The following CUX1 variants were observed in gnomAD, a reference collection of about 807,000 sequenced individuals.
CUX1 encodes the protein protein CASP.
Under a neutral mutation model 158.8 loss-of-function variants are expected in CUX1, and 31 were observed. The ratio of observed to expected loss-of-function variants is 0.20; its 90% CI spans 0.15 to 0.26. CUX1 has a LOEUF of 0.26. CUX1 is among the 10% of genes least tolerant of loss of function. CUX1 has a pLI of 1.00. For missense variants in CUX1, 1,589 were observed against 2,014.6 expected (o/e 0.79, Z 4.04); for synonymous variants, 879 against 862.1 (o/e 1.02, Z -0.34).
At position 101,869,570 on chromosome 7, in the gene CUX1, G is replaced by A. The variant is rs1049731469; in HGVS notation, c.31-46545G>A. Among the ~76,000 whole-genome samples the A allele has an allele frequency of 6.6e-6, 1 of 152,114 alleles. No individual in the cohort carries two copies. The highest frequency in any genetic ancestry group is 2.4e-5 in the African/African-American group (1 of 41,416). On this transcript the variant is annotated intron_variant, in intron 1 of 23. Transcript: ENST00000292535. This position sits in a 1 kb window ranked among gnomAD's most constrained non-coding sequence, Gnocchi z 4.5. ...GCGCGGGAAGGGAGTGGCTGGTGGGGCGGGGGAGGGAAACCAGCACGTTAG... is the reference window on the plus strand; with the variant it reads ...GCGCGGGAAGGGAGTGGCTGGTGGGACGGGGGAGGGAAACCAGCACGTTAG...
Position 102,280,718 on chromosome 7 carries a change from G to A in CUX1, c.1765-86G>A, listed in dbSNP as rs1586540806. On this transcript the variant is annotated intron_variant, in intron 19 of 22. Transcript: ENST00000292538. ...GCAAGAACAGCGGGCAGGGTGTCCT[G>A]TGGCTGGCCAGGCCCTGCTCTCTGC... 7.8e-6 allele frequency: 11 copies of A among 1,404,676 alleles called. No individual in the cohort carries two copies. In the South Asian group the frequency reaches 1.2e-4, roughly 15 times the overall value. 87.0% of individuals were successfully genotyped at this position (1,404,676 alleles called of 1,614,324 possible).
chr7:101,992,036 A>T (rs1267533234), intron 2 of CUX1, among the ~76,000 whole-genome samples: 3 of 152,216 alleles, frequency 2.0e-5, no homozygotes, highest in Non-Finnish European at 4.4e-5. Context: ...AAAAATATGT[A>T]TCAGTAGGTT....
chr7:102,200,038 G>A lies in CUX1; in HGVS notation c.1961-33G>A, dbSNP rs782123963. Reference sequence around the variant, plus strand: ...GCGCTGATTTTTGTCCGGGGTTTGGGTTTGATGTCATTGGCGCAACTTCTC... The same window carrying A: ...GCGCTGATTTTTGTCCGGGGTTTGGATTTGATGTCATTGGCGCAACTTCTC... On this transcript the variant is annotated intron_variant, in intron 16 of 23. Transcript: ENST00000292535. 9 of 1,576,344 alleles carry A rather than the reference G, an allele frequency of 5.7e-6. No homozygotes were observed. The South Asian group carries it at 8.1e-5, about 14-fold the overall frequency.
At chr7:102,045,355 CT>C (rs1822614624) in intron 3 of CUX1, among the ~76,000 whole-genome samples, 1 of 152,236 alleles carries the variant, frequency 6.6e-6, no homozygotes, top group Non-Finnish European at 1.5e-5. Flanking sequence ...AGCCGTGCGC[CT>C]GTGGAAAGGG....
upstream of CUX1, chr7:101,816,034 GC>G: frequency 7.0e-7 from 1 of 1,431,370 alleles, no homozygotes. Flanking sequence ...TCTCAAGATG[GC>G]GGCCAATGTG....
chr7:102,041,708 AC>A (rs1822130144), intron 3 of CUX1, among the ~76,000 whole-genome samples: 1 of 122,470 alleles, frequency 8.2e-6, no homozygotes, highest in South Asian at 2.4e-4. Flanking sequence ...TTGTTCTGTC[AC>A]CCAGGCTGGA....
At chr7:102,175,461 C>T (rs954240692) in intron 10 of CUX1, among the ~76,000 whole-genome samples, 2 of 152,122 alleles carry the variant, frequency 1.3e-5, no homozygotes, top group Non-Finnish European at 2.9e-5. Flanking sequence ...TGCCATGTCC[C>T]CTCCTTGCTC....
At chr7:102,021,762 T>C (rs554016358) in intron 2 of CUX1, among the ~76,000 whole-genome samples, 17 of 152,182 alleles carry the variant, frequency 1.1e-4, no homozygotes, top group Admixed American at 3.3e-4. Context: ...GGTTTCTCCA[T>C]GTTGGTCAGA....
intron 2 of CUX1, among the ~76,000 whole-genome samples, chr7:101,940,386 G>T (rs897808439): frequency 6.6e-6 from 1 of 152,088 alleles, no homozygotes; most frequent in Non-Finnish European, 1.5e-5. Context: ...GACCCCCGCT[G>T]GGGGTGCCTG....
intron 2 of CUX1, chr7:101,961,246 T>C (rs427039): frequency 0.84 from 128,465 of 152,048 alleles, 54,687 homozygotes; most frequent in African/African-American, 0.91. Flanking sequence ...ATGGGAATAC[T>C]GCTTAACCTC....
At chr7:102,095,030 C>T (rs1028546511) in intron 4 of CUX1, among the ~76,000 whole-genome samples, 64 of 151,280 alleles carry the variant, frequency 4.2e-4, no homozygotes, top group African/African-American at 1.1e-3. Flanking sequence ...GACAGGATTT[C>T]GCTCTGTTGC....
chr7:101,875,283 G>T (rs78701816), intron 1 of CUX1, among the ~76,000 whole-genome samples: 1,655 of 152,260 alleles, frequency 0.011, 42 homozygotes, highest in African/African-American at 0.035. Flanking sequence ...CTTCAGTGGG[G>T]TGATGTTTTT....
chr7:102,242,205 C>CTTTTTTTTTT (rs67514665), intron 23 of CUX1, among the ~76,000 whole-genome samples: 3 of 93,070 alleles, frequency 3.2e-5, no homozygotes, highest in African/African-American at 3.9e-5. Flanking sequence ...TTCTTTCTTT[C>CTTTTTTTTTT]TTTTTTTTTT....
intron 3 of CUX1, among the ~76,000 whole-genome samples, chr7:102,043,538 G>A (rs555091529): frequency 2.6e-4 from 40 of 151,940 alleles, no homozygotes; most frequent in Non-Finnish European, 5.0e-4. Flanking sequence ...TGCAGATTTT[G>A]GTACACGCAG....
At position 102,205,124 on chromosome 7, in the gene CUX1, C is replaced by T. The variant is rs144081584; in HGVS notation, c.3084C>T (p.Ser1028=). The T allele has an allele frequency of 0.015, 24,678 of 1,609,608 alleles. 258 individuals are homozygous for T. The highest frequency in any genetic ancestry group is 0.017 in the Non-Finnish European group (20,234 of 1,176,632). Residue 1028 remains serine (S), a synonymous_variant, in exon 20 of 24, where the codon TCC becomes TCT. Coordinates refer to ENST00000292535, the MANE Select transcript of CUX1 (RefSeq NM_181552.4). ...CTTTTTCTACTTTAGTCCTCCACTC[C>T]GTGACATCGCTCCAGGACCCGCTGC... ...QGQQQGPVLH[S]VTSLQDPLQQ... is the part of the protein sequence containing the mutation.
Position 101,969,982 on chromosome 7 carries a change from C to CAAA in CUX1, c.141+53781_141+53783dup, listed in dbSNP as rs34167642. On this transcript the variant is annotated intron_variant, in intron 2 of 23. Coordinates refer to ENST00000292535, the MANE Select transcript of CUX1 (RefSeq NM_181552.4). ...CTTGTCTTCTTGCCGGAGTTAGCAC[C>CAAA]AAAAAAAAAAAAAAAAAAAAAAAAA... 1.1e-3 allele frequency among the ~76,000 whole-genome samples: 60 copies of CAAA among 55,642 alleles called. 3 individuals carry two copies. The highest frequency in any genetic ancestry group is 1.3e-3 in the Non-Finnish European group (41 of 32,156). 36.5% of individuals were successfully genotyped at this position (55,642 alleles called of 152,430 possible).
At chr7:102,244,827 C>T (rs1800631478) in intron 23 of CUX1, among the ~76,000 whole-genome samples, 1 of 152,290 alleles carries the variant, frequency 6.6e-6, no homozygotes, top group Admixed American at 6.5e-5. Context: ...TCTGAACCCT[C>T]GCAGCCACGG....
At chr7:101,988,772 A>G (rs1814684858) in intron 2 of CUX1, among the ~76,000 whole-genome samples, 1 of 152,072 alleles carries the variant, frequency 6.6e-6, no homozygotes. Context: ...AGGCCAAGAC[A>G]GGAGGATTGC....
chr7:102,117,583 C>A (rs1046252441), intron 8 of CUX1, among the ~76,000 whole-genome samples: 3 of 152,004 alleles, frequency 2.0e-5, no homozygotes, highest in Admixed American at 6.6e-5. Flanking sequence ...GAAGAGGGAC[C>A]CAGGGCAGCG....
Sources: gnomAD v4.1 joint callset for allele counts (sites outside exome capture counted in the v4.1 genomes callset) on GRCh38, gnomAD v4.1.1 for gene constraint, Gnocchi (gnomAD v3.1) non-coding constraint, MANE v1.5 for transcripts, NCBI Gene and HGNC (gene_info 2026-07-23, HGNC 2026-07-21) for gene names.